The following RIMBP2 variants were observed in gnomAD, a reference collection of about 807,000 sequenced individuals.
RIMBP2 encodes RIMS binding protein 2.
Under a neutral mutation model 118.6 loss-of-function variants are expected in RIMBP2, and 48 were observed. That is an observed-to-expected ratio of 0.40 (90% confidence interval 0.32 to 0.51). The LOEUF (loss-of-function observed/expected upper bound fraction) is 0.51, where lower values mean the gene tolerates loss of function less well. Among genes scored for constraint, RIMBP2 ranks in the 20% least tolerant of loss-of-function variants. The pLI is 0.41. For missense variants in RIMBP2, 1,551 were observed against 1,768.3 expected, an observed-to-expected ratio of 0.88 and a Z score of 2.20; for synonymous variants, 762 against 742.9, an observed-to-expected ratio of 1.03 and a Z score of -0.42.
intron 2 of RIMBP2, among the ~76,000 whole-genome samples, chr12:130,555,527 A>G (rs1256125145): frequency 6.6e-6 from 1 of 152,208 alleles, no homozygotes; most frequent in African/African-American, 2.4e-5. Flanking sequence ...GAAGACAGAA[A>G]TATGATTATA....
chr12:130,653,680 G>A (rs963145852), intron 1 of RIMBP2, among the ~76,000 whole-genome samples: 3 of 152,246 alleles, frequency 2.0e-5, no homozygotes, highest in Admixed American at 6.5e-5. Context: ...CCTGTGGCAG[G>A]CTTCTAGCTT....
chr12:130,436,022 G>A (rs1178245777), intron 13 of RIMBP2, among the ~76,000 whole-genome samples: 2 of 152,222 alleles, frequency 1.3e-5, no homozygotes, highest in East Asian at 1.9e-4. Context: ...CAGCAGGGCC[G>A]AGGGTCCTGA....
intron 22 of RIMBP2, chr12:130,399,039 C>A: frequency 2.8e-6 from 2 of 713,366 alleles, no homozygotes; most frequent in East Asian, 3.1e-5. Flanking sequence ...ACAATGAAGC[C>A]TTAAGTCTAC....
intron 1 of RIMBP2, among the ~76,000 whole-genome samples, chr12:130,643,196 G>C (rs2062700663): frequency 6.6e-6 from 1 of 152,214 alleles, no homozygotes; most frequent in Non-Finnish European, 1.5e-5. Flanking sequence ...CCTGCACAGT[G>C]ACATGTAGGC....
At chr12:130,476,324 C>T (rs2081422934) in intron 5 of RIMBP2, among the ~76,000 whole-genome samples, 1 of 152,180 alleles carries the variant, frequency 6.6e-6, no homozygotes, top group Non-Finnish European at 1.5e-5. Flanking sequence ...AGGGTCACTC[C>T]TTTGAGATGG....
intron 2 of RIMBP2, among the ~76,000 whole-genome samples, chr12:130,614,078 G>A (rs533037285): frequency 7.9e-5 from 12 of 152,298 alleles, no homozygotes; most frequent in Admixed American, 4.6e-4. Context: ...GCAGCTGAAC[G>A]CTGTCTCACC....
intron 6 of RIMBP2, among the ~76,000 whole-genome samples, chr12:130,468,182 G>A (rs949596555): frequency 1.3e-5 from 2 of 152,174 alleles, no homozygotes; most frequent in South Asian, 4.1e-4. Flanking sequence ...GCAGTGTTGG[G>A]ATCAGGTTCC....
intron 6 of RIMBP2, among the ~76,000 whole-genome samples, chr12:130,468,350 G>T (rs996250911): frequency 2.1e-5 from 3 of 145,976 alleles, no homozygotes; most frequent in African/African-American, 7.4e-5. Context: ...AGCCAACCTT[G>T]GGCCCCTCCC....
At chr12:130,428,908 T>G (rs1296192557) in intron 14 of RIMBP2, 1 of 152,312 alleles carries the variant, frequency 6.6e-6, no homozygotes, top group Non-Finnish European at 1.5e-5. Context: ...CCATCCTGGC[T>G]AACACGGTGA....
rs2080932902 is a variant in RIMBP2, at chr12:130,470,737, C to T, written c.109G>A (p.Val37Ile). The change falls in exon 6 of 23, where the codon GTT becomes ATT. Residue 37 changes from valine to isoleucine, a missense_variant. By Grantham distance (29) the Val-to-Ile change is conservative. This residue lies in a region of RIMBP2 where 239 missense variants were observed against 256.8 expected (regional missense o/e 0.93). Transcript: ENST00000690449. ...CCTTCATGCTCCTTCTTAGCCTCAACCTGAGCCTTTTTTATGATGAAAAGA... is the reference window on the plus strand; with the variant it reads ...CCTTCATGCTCCTTCTTAGCCTCAATCTGAGCCTTTTTTATGATGAAAAGA... ...QEIDLLQKAQ[V>I]EAKKEHEGAV... 4 of 1,231,782 alleles carry T rather than the reference C, an allele frequency of 3.2e-6. No individual in the cohort carries two copies. Among genetic ancestry groups the T allele is most frequent in the Non-Finnish European group, 4.0e-6 (4 of 987,752 alleles). The allele number at this position is 1,231,782 out of a possible 1,614,324, so 76.3% of individuals were successfully genotyped here.
chr12:130,552,707 T>C (rs1001710006), intron 2 of RIMBP2, among the ~76,000 whole-genome samples: 1 of 152,154 alleles, frequency 6.6e-6, no homozygotes, highest in Admixed American at 6.5e-5. Context: ...AAAAGGATCA[T>C]GTTAGTCTTT....
At chr12:130,677,110 C>T (rs907424051) in intron 1 of RIMBP2, among the ~76,000 whole-genome samples, 1 of 152,136 alleles carries the variant, frequency 6.6e-6, no homozygotes, top group African/African-American at 2.4e-5. Context: ...TGCCTGGAGA[C>T]ATTTTTGGTT....
chr12:130,541,745 G>A (rs2054624998), intron 2 of RIMBP2, among the ~76,000 whole-genome samples: 1 of 152,230 alleles, frequency 6.6e-6, no homozygotes, highest in African/African-American at 2.4e-5. Context: ...AGCACCAGAA[G>A]CAACATTTAC....
At chr12:130,432,842 A>G (rs1404942620) in intron 14 of RIMBP2, among the ~76,000 whole-genome samples, 1 of 152,204 alleles carries the variant, frequency 6.6e-6, no homozygotes, top group Non-Finnish European at 1.5e-5. Flanking sequence ...CGAGTACAAC[A>G]GTCAACAGAA....
chr12:130,444,575 T>C (rs1027456257), intron 10 of RIMBP2, among the ~76,000 whole-genome samples: 1 of 152,234 alleles, frequency 6.6e-6, no homozygotes, highest in Non-Finnish European at 1.5e-5. Flanking sequence ...TGCTGTTACA[T>C]GTTTATTCTC....
chr12:130,699,890 G>C (rs1367614144), intron 1 of RIMBP2, among the ~76,000 whole-genome samples: 1 of 126,676 alleles, frequency 7.9e-6, no homozygotes, highest in Non-Finnish European at 1.6e-5. Context: ...GGGTGATGGT[G>C]TGAGACTCTG....
intron 10 of RIMBP2, among the ~76,000 whole-genome samples, chr12:130,444,613 C>A (rs924822293): frequency 2.0e-5 from 3 of 152,148 alleles, no homozygotes. Context: ...AAAGGTGGGG[C>A]CTTTCAGATG....
At chr12:130,668,330 C>T (rs1205120500) in intron 1 of RIMBP2, 1 of 152,272 alleles carries the variant, frequency 6.6e-6, no homozygotes, top group Non-Finnish European at 1.5e-5. Flanking sequence ...GCAGGGCAGC[C>T]TCAATGTCCT....
At chr12:130,494,344 G>A (rs934759156) in intron 4 of RIMBP2, among the ~76,000 whole-genome samples, 1 of 151,976 alleles carries the variant, frequency 6.6e-6, no homozygotes, top group East Asian at 1.9e-4. Context: ...GGATGCAAAC[G>A]TGCTTTGAAA....
Sources: allele counts gnomAD v4.1 joint callset (sites outside exome capture counted in the v4.1 genomes callset), GRCh38; gene constraint gnomAD v4.1.1; regional missense constraint gnomAD v4.1.1; transcripts MANE v1.5; gene names NCBI Gene and HGNC (gene_info 2026-07-23, HGNC 2026-07-21).